CSN3: variants seen among roughly 807,000 people sequenced by gnomAD.
CSN3 encodes kappa-casein.
Under a neutral mutation model 9.9 loss-of-function variants are expected in CSN3, and 7 were observed. That is an observed-to-expected ratio of 0.71 (90% confidence interval 0.40 to 1.33). The LOEUF is 1.33. Among genes scored for constraint, CSN3 ranks in the 40% most tolerant of loss-of-function variants. The probability of loss-of-function intolerance (pLI) is 0.01; values close to 1 mark genes in which losing one functional copy is unlikely to be tolerated. For synonymous variants in CSN3, 88 were observed against 82.3 expected, an observed-to-expected ratio of 1.07 and a Z score of -0.37; for missense variants, 253 against 227.9, an observed-to-expected ratio of 1.11 and a Z score of -0.71.
At chr4:70,240,455 G>A (rs1434126039), upstream of CSN3, among the ~76,000 whole-genome samples, 3 of 151,964 alleles carry the variant, frequency 2.0e-5, no homozygotes, top group East Asian at 5.8e-4. Flanking sequence ...TGCATAAGTA[G>A]ATAAAGACTG....
intron 3 of CSN3, among the ~76,000 whole-genome samples, chr4:70,248,432 C>A (rs1490235660): frequency 1.3e-5 from 2 of 151,350 alleles, no homozygotes; most frequent in Admixed American, 1.3e-4. Context: ...AAAATTAAAC[C>A]AAAAAAAATC....
At chr4:70,247,973 A>G in intron 3 of CSN3, 123 bp downstream of exon 3, 1 of 604,086 alleles carries the variant, frequency 1.7e-6, no homozygotes, top group East Asian at 3.3e-5. Flanking sequence ...AAAACAATCT[A>G]ATAATATTTG....
In CSN3 at chr4:70,246,671, C is replaced by CTTTT. The variant is rs11293109; in HGVS notation, c.55-1132_55-1129dup. Among the ~76,000 whole-genome samples the CTTTT allele has an allele frequency of 2.5e-3, 315 of 125,444 alleles. 6 individuals are homozygous for CTTTT. The highest frequency in any genetic ancestry group is 5.2e-3 in the Admixed American group (62 of 11,862). 82.3% of individuals were successfully genotyped at this position (125,444 alleles called of 152,430 possible). ...ACTTTCTACAATATTCATATTACTT[C>CTTTT]TTTTTTTTTTTTTTTTTTGAGACAG... On this transcript the variant is annotated intron_variant, in intron 2 of 4. Coordinates refer to ENST00000304954, the Ensembl canonical transcript of CSN3.
At chr4:70,245,465 G>A (rs1730359192) in intron 2 of CSN3, among the ~76,000 whole-genome samples, 1 of 152,168 alleles carries the variant, frequency 6.6e-6, no homozygotes, top group African/African-American at 2.4e-5. Flanking sequence ...TTGAAGGCTT[G>A]CAGGCATTAT....
exon 4 of CSN3, chr4:70,249,223 C>T (rs750581927): frequency 1.9e-6 from 3 of 1,614,036 alleles, no homozygotes; most frequent in Non-Finnish European, 2.5e-6. Flanking sequence ...TAGCCACCCA[C>T]CCACTGTGGT....
At chr4:70,250,737 G>A (rs1730467834) in intron 4 of CSN3, among the ~76,000 whole-genome samples, 1 of 152,048 alleles carries the variant, frequency 6.6e-6, no homozygotes, top group African/African-American at 2.4e-5. Flanking sequence ...ATTGCAAATG[G>A]GAGGCAAACC....
upstream of CSN3, among the ~76,000 whole-genome samples, chr4:70,238,468 A>C (rs561772367): frequency 1.3e-3 from 205 of 152,000 alleles, 1 homozygote; most frequent in Non-Finnish European, 2.0e-3. Flanking sequence ...AAGATGGATA[A>C]AGAGAGACCA....
chr4:70,250,902 AT>A (rs1730470014), intron 4 of CSN3, among the ~76,000 whole-genome samples: 1 of 152,180 alleles, frequency 6.6e-6, no homozygotes, highest in Non-Finnish European at 1.5e-5. Context: ...TCAACAGGAT[AT>A]CCATTAAGAA....
chr4:70,249,957 G>C (rs1730452476), intron 4 of CSN3, among the ~76,000 whole-genome samples: 1 of 152,158 alleles, frequency 6.6e-6, no homozygotes, highest in African/African-American at 2.4e-5. Context: ...AAAAGGAAAT[G>C]ATATGCTTCC....
Position 70,244,809 on chromosome 4 carries a change from T to C in CSN3, c.-8-3T>C. 2 of 1,504,524 alleles carry C rather than the reference T, an allele frequency of 1.3e-6. No individual in the cohort carries two copies. The highest frequency in any genetic ancestry group is 2.9e-5 in the South Asian group (2 of 69,994). The allele number at this position is 1,504,524 out of a possible 1,614,324, so 93.2% of individuals were successfully genotyped here. Reference sequence around the variant, plus strand: ...ATTAATTTTTTTTTAAATTTATCTTTAGGTGCAATAATGAAGAGTTTTCTT... The same window carrying C: ...ATTAATTTTTTTTTAAATTTATCTTCAGGTGCAATAATGAAGAGTTTTCTT... On this transcript the variant is annotated splice_polypyrimidine_tract_variant and splice_region_variant and intron_variant, in intron 1 of 4. Transcript: ENST00000304954.
chr4:70,242,826 GT>G (rs1172618371), intron 1 of CSN3, among the ~76,000 whole-genome samples, 161 bp downstream of exon 1: 1 of 152,004 alleles, frequency 6.6e-6, no homozygotes, highest in Non-Finnish European at 1.5e-5. Context: ...CTAAACCTAA[GT>G]TCTGGATGGT....
chr4:70,240,369 G>A (rs1196343682), upstream of CSN3, among the ~76,000 whole-genome samples: 1 of 151,920 alleles, frequency 6.6e-6, no homozygotes, highest in Non-Finnish European at 1.5e-5. Flanking sequence ...AGTTGCAGCT[G>A]GACTGAAAAG....
intron 1 of CSN3, 83 bp from the exon 2 acceptor site, chr4:70,244,729 C>A: frequency 2.9e-6 from 2 of 680,212 alleles, no homozygotes; most frequent in Non-Finnish European, 2.1e-6. Context: ...TTTTCTTAAT[C>A]AAGGAAACAT....
chr4:70,249,528 C>A (rs1413872583), intron 4 of CSN3, 35 bp downstream of exon 4: 2 of 1,185,844 alleles, frequency 1.7e-6, no homozygotes, highest in Non-Finnish European at 2.4e-6. Flanking sequence ...GTAATTCCGA[C>A]AAGAAGCATG....
In CSN3 at chr4:70,248,985, A is replaced by AT. The variant is rs57550378; in HGVS notation, c.88-5dup. The AT allele has an allele frequency of 0.13, 204,937 of 1,523,852 alleles. 14,856 individuals carry two copies. The highest frequency in any genetic ancestry group is 0.3 in the East Asian group (13,156 of 44,002). The allele number at this position is 1,523,852 out of a possible 1,614,324, so 94.4% of individuals were successfully genotyped here. A position where few individuals can be genotyped will look rare whatever the true frequency, so the allele number is the denominator to read the frequency against. The stretch of plus-strand genomic sequence containing the variant: ...ATAATAATAATATTCTGTATAATTT[A>AT]TTTTTTTTGCAGTGCCATGAGAATG... On this transcript the variant is annotated splice_polypyrimidine_tract_variant and intron_variant, in intron 3 of 4. Coordinates refer to ENST00000304954, the Ensembl canonical transcript of CSN3.
At position 70,244,893 on chromosome 4, in the gene CSN3, C is replaced by G. The variant is rs749393487; in HGVS notation, c.54+20C>G. ...TTTTTGGTAAGTTAATTTCATCTAA[C>G]CAGATTGTACTGACTTTAAGAAAAT... On this transcript the variant is annotated intron_variant, in intron 2 of 4. Coordinates refer to ENST00000304954, the Ensembl canonical transcript of CSN3. The G allele has an allele frequency of 4.0e-6, 6 of 1,496,008 alleles. No homozygotes were observed. The highest frequency in any genetic ancestry group is 5.4e-6 in the Non-Finnish European group (6 of 1,112,998). 92.7% of individuals were successfully genotyped at this position (1,496,008 alleles called of 1,614,324 possible). A position where few individuals can be genotyped will look rare whatever the true frequency, so the allele number is the denominator to read the frequency against.
exon 5 of CSN3, chr4:70,251,357 C>T (rs1174791819): frequency 6.6e-6 from 1 of 152,188 alleles, no homozygotes; most frequent in Non-Finnish European, 1.5e-5. Context: ...TTCAGCTCTT[C>T]TCTCCTTACA....
At chr4:70,249,320 T>C (rs1403306682) in exon 4 of CSN3, 15 of 1,614,004 alleles carry the variant, frequency 9.3e-6, no homozygotes, top group Non-Finnish European at 1.3e-5. Flanking sequence ...ATCAATACCA[T>C]TGCTACTGTT....
intron 2 of CSN3, among the ~76,000 whole-genome samples, chr4:70,245,955 C>T (rs1247972035): frequency 6.6e-6 from 1 of 152,098 alleles, no homozygotes; most frequent in Non-Finnish European, 1.5e-5. Context: ...AAATGATCTA[C>T]AAATCCCTGC....
Sources: allele counts gnomAD v4.1 joint callset (sites outside exome capture counted in the v4.1 genomes callset), GRCh38; gene constraint gnomAD v4.1.1; transcripts MANE v1.5; gene names NCBI Gene and HGNC (gene_info 2026-07-23, HGNC 2026-07-21).